PAAF1: variants seen among roughly 807,000 people sequenced by gnomAD.
PAAF1 encodes the protein proteasomal ATPase-associated factor 1.
A neutral mutation model predicts 52.8 loss-of-function variants in PAAF1; 46 were observed. That is an observed-to-expected ratio of 0.87 (90% CI 0.69 to 1.11). The LOEUF is 1.11. Ranked by LOEUF, PAAF1 falls within the 50% of genes most tolerant of loss-of-function variation. The probability of loss-of-function intolerance (pLI) is 0.00; values close to 1 mark genes in which losing one functional copy is unlikely to be tolerated. For missense variants in PAAF1, 424 were observed against 477.4 expected, an observed-to-expected ratio of 0.89 and a Z score of 1.04; for synonymous variants, 178 against 172.8, an observed-to-expected ratio of 1.03 and a Z score of -0.24.
intron 2 of PAAF1, among the ~76,000 whole-genome samples, chr11:73,881,278 G>A (rs977141669): frequency 5.3e-5 from 8 of 152,012 alleles, no homozygotes; most frequent in Non-Finnish European, 1.0e-4. Context: ...TTTTCTTGCC[G>A]ATACATACTA....
chr11:73,919,058 G>C, intron 10 of PAAF1, 26 bp downstream of exon 10: 1 of 1,570,890 alleles, frequency 6.4e-7, no homozygotes, highest in Non-Finnish European at 8.7e-7. Flanking sequence ...AATTGAGAGA[G>C]ATGCTTCTCT....
At chr11:73,910,169 C>T (rs1949889610) in intron 7 of PAAF1, among the ~76,000 whole-genome samples, 1 of 152,140 alleles carries the variant, frequency 6.6e-6, no homozygotes, top group Non-Finnish European at 1.5e-5. Flanking sequence ...GTGATGCTCC[C>T]ACCACAGCCT....
At chr11:73,905,515 C>T (rs766284232) in intron 6 of PAAF1, among the ~76,000 whole-genome samples, 13 of 152,172 alleles carry the variant, frequency 8.5e-5, no homozygotes, top group Non-Finnish European at 1.8e-4. Context: ...AGCTACCATG[C>T]CTAGCCAAAA....
Position 73,882,794 on chromosome 11 carries a change from G to A in PAAF1, c.88+3975G>A, listed in dbSNP as rs140118936. 5.4e-3 allele frequency among the ~76,000 whole-genome samples: 818 copies of A among 152,142 alleles called. 8 individuals are homozygous for A. The highest frequency in any genetic ancestry group is 0.018 in the African/African-American group (738 of 41,510). On this transcript the variant is annotated intron_variant, in intron 2 of 11. Coordinates refer to ENST00000310571, the MANE Select transcript of PAAF1 (RefSeq NM_025155.3). ...ATTTTTTTGTATTTTTAGTAGAGAC[G>A]GGGTTTCACCGTGTTAAGCAGGATG...
At chr11:73,914,306 A>T in intron 7 of PAAF1, 107 bp from the exon 8 acceptor site, 1 of 863,568 alleles carries the variant, frequency 1.2e-6, no homozygotes, top group Non-Finnish European at 1.9e-6. Context: ...TCTTTGTAAT[A>T]AGTGAATCGC....
At chr11:73,913,837 A>G (rs1949996076) in intron 7 of PAAF1, among the ~76,000 whole-genome samples, 1 of 152,162 alleles carries the variant, frequency 6.6e-6, no homozygotes, top group African/African-American at 2.4e-5. Context: ...GCAGTATTGT[A>G]TCCCAACTCC....
At chr11:73,906,122 T>A (rs1949745926) in intron 6 of PAAF1, among the ~76,000 whole-genome samples, 1 of 152,206 alleles carries the variant, frequency 6.6e-6, no homozygotes, top group Admixed American at 6.5e-5. Flanking sequence ...CATATGGGCT[T>A]GATAGATCTG....
intron 4 of PAAF1, among the ~76,000 whole-genome samples, chr11:73,897,009 C>T (rs1489948730): frequency 2.4e-4 from 28 of 117,252 alleles, no homozygotes; most frequent in Non-Finnish European, 4.4e-4. Context: ...CTGGACGGGG[C>T]GGCTGGCCGG....
chr11:73,900,483 G>A lies in PAAF1; in HGVS notation c.532+63G>A, dbSNP rs1949567319. The stretch of plus-strand genomic sequence containing the variant: ...ATCCCCAGAAATGAATCACTGAAAA[G>A]GTAGAAACAAGCTAGTTTATTCACA... On this transcript the variant is annotated intron_variant, in intron 6 of 11. Transcript: ENST00000310571. 49 of 1,489,400 alleles carry A rather than the reference G, an allele frequency of 3.3e-5. No individual in the cohort carries two copies. The Middle Eastern group carries it at 1.3e-3, about 39-fold the overall frequency. The allele number at this position is 1,489,400 out of a possible 1,614,324, so 92.3% of individuals were successfully genotyped here. A position where few individuals can be genotyped will look rare whatever the true frequency, so the allele number is the denominator to read the frequency against.
At chr11:73,894,090 AC>A (rs1949280324) in intron 4 of PAAF1, among the ~76,000 whole-genome samples, 1 of 152,198 alleles carries the variant, frequency 6.6e-6, no homozygotes, top group Admixed American at 6.5e-5. Context: ...GGTATAAGCC[AC>A]TGTGCCTGGC....
At chr11:73,927,211 C>A in intron 11 of PAAF1, 74 bp from the exon 12 acceptor site, 1 of 1,103,548 alleles carries the variant, frequency 9.1e-7, no homozygotes, top group Non-Finnish European at 1.4e-6. Context: ...TAGTGTGTGT[C>A]AATCATAAGC....
At chr11:73,881,443 A>G (rs530759958) in intron 2 of PAAF1, among the ~76,000 whole-genome samples, 56 of 152,150 alleles carry the variant, frequency 3.7e-4, no homozygotes, top group Non-Finnish European at 7.1e-4. Context: ...GACTACTACC[A>G]TGCCCAGCTA....
chr11:73,887,245 G>A, intron 2 of PAAF1, 109 bp from the exon 3 acceptor site: 1 of 695,910 alleles, frequency 1.4e-6, no homozygotes, highest in Non-Finnish European at 2.3e-6. Flanking sequence ...TCTTTCGTGG[G>A]CCAATTTCAT....
chr11:73,907,129 T>G (rs555769853), intron 6 of PAAF1, among the ~76,000 whole-genome samples: 32 of 152,276 alleles, frequency 2.1e-4, no homozygotes, highest in African/African-American at 7.7e-4. Context: ...CAACTCTATT[T>G]TTTTATGCTG....
intron 2 of PAAF1, chr11:73,880,508 G>C (rs1022130043): frequency 6.7e-6 from 1 of 148,234 alleles, no homozygotes; most frequent in Non-Finnish European, 1.5e-5. Context: ...AGCCAGGTGC[G>C]GTGGCTCTAC....
chr11:73,926,882 G>A (rs1480867345), intron 11 of PAAF1, among the ~76,000 whole-genome samples: 2 of 152,134 alleles, frequency 1.3e-5, no homozygotes, highest in African/African-American at 4.8e-5. Flanking sequence ...TTTCCTTGAG[G>A]AGTTGATGAA....
intron 6 of PAAF1, among the ~76,000 whole-genome samples, chr11:73,907,685 G>A (rs557149764): frequency 8.5e-5 from 13 of 152,130 alleles, no homozygotes; most frequent in Non-Finnish European, 1.3e-4. Context: ...TGCTGCTGCC[G>A]GCTTCCATGG....
intron 8 of PAAF1, among the ~76,000 whole-genome samples, chr11:73,915,698 T>A (rs540701633): frequency 6.6e-6 from 1 of 152,354 alleles, no homozygotes; most frequent in African/African-American, 2.4e-5. Context: ...GAATTTTTGC[T>A]GGGCAGATTA....
intron 6 of PAAF1, among the ~76,000 whole-genome samples, chr11:73,907,454 G>A (rs1386228449): frequency 1.3e-5 from 2 of 152,154 alleles, no homozygotes; most frequent in Admixed American, 6.6e-5. Context: ...GGTGAAAGTA[G>A]GACACAGTTG....
Sources: allele counts gnomAD v4.1 joint callset (sites outside exome capture counted in the v4.1 genomes callset), GRCh38; gene constraint gnomAD v4.1.1; transcripts MANE v1.5; gene names NCBI Gene and HGNC (gene_info 2026-07-23, HGNC 2026-07-21).